The following TLE4 variants were observed in gnomAD, a reference collection of about 807,000 sequenced individuals.
TLE4 encodes the protein transducin-like enhancer protein 4.
In TLE4, 8 loss-of-function variants were observed where a neutral mutation model predicts 92.8. That is an observed-to-expected ratio of 0.09 (90% CI 0.05 to 0.16). The LOEUF (loss-of-function observed/expected upper bound fraction) is 0.16. Among genes scored for constraint, TLE4 ranks in the 10% least tolerant of loss-of-function variants. TLE4 has a pLI of 1.00. For synonymous variants in TLE4, 371 were observed against 374.1 expected (o/e 0.99, Z 0.10); for missense variants, 675 against 997.6 (o/e 0.68, Z 4.36).
chr9:79,715,919 C>T (rs916855512), intron 14 of TLE4, among the ~76,000 whole-genome samples: 1 of 152,200 alleles, frequency 6.6e-6, no homozygotes, highest in Admixed American at 6.5e-5. Flanking sequence ...ACTGTGGCTC[C>T]AGTCAGCCAG....
chr9:79,696,795 C>G (rs1347119906), intron 8 of TLE4, among the ~76,000 whole-genome samples: 1 of 152,214 alleles, frequency 6.6e-6, no homozygotes, highest in African/African-American at 2.4e-5. Context: ...TACCCTACTT[C>G]AGCTTTGTCA....
At chr9:79,587,806 A>C (rs562497415) in intron 4 of TLE4, among the ~76,000 whole-genome samples, 1 of 152,332 alleles carries the variant, frequency 6.6e-6, no homozygotes, top group South Asian at 2.1e-4. Flanking sequence ...TTTCATATGT[A>C]TATCTTGGGC....
rs1474043266 is a variant in TLE4, at chr9:79,720,072, C to T, written c.1617C>T (p.Cys539=). The T allele has an allele frequency of 1.2e-6, 2 of 1,613,284 alleles. No individual in the cohort carries two copies. Among genetic ancestry groups the T allele is most frequent in the African/African-American group, 2.7e-5 (2 of 74,908 alleles). Reference sequence around the variant, plus strand: ...ACAGGGATAACTACATCCGTTCCTGCAGATTGCTCCCTGATGGTCGCACCC... The same window carrying T: ...ACAGGGATAACTACATCCGTTCCTGTAGATTGCTCCCTGATGGTCGCACCC... The part of the protein sequence containing the change: ...CLNRDNYIRS[C]RLLPDGRTLI... Residue 539 remains cysteine (C), a synonymous_variant, in exon 16 of 20, where the codon TGC becomes TGT. Coordinates refer to ENST00000376552, the MANE Select transcript of TLE4 (RefSeq NM_007005.6).
At chr9:79,690,377 A>C (rs987334756) in intron 8 of TLE4, among the ~76,000 whole-genome samples, 1 of 152,170 alleles carries the variant, frequency 6.6e-6, no homozygotes, top group African/African-American at 2.4e-5. Flanking sequence ...ATATGGCTTA[A>C]CCTTTATCTA....
chr9:79,699,336 A>G (rs954025910), intron 8 of TLE4, among the ~76,000 whole-genome samples: 1 of 152,164 alleles, frequency 6.6e-6, no homozygotes, highest in Non-Finnish European at 1.5e-5. Context: ...CCATCACCAA[A>G]AACAAACTCA....
At chr9:79,685,149 CAA>C (rs2065573523) in intron 8 of TLE4, among the ~76,000 whole-genome samples, 1 of 152,248 alleles carries the variant, frequency 6.6e-6, no homozygotes, top group African/African-American at 2.4e-5. Flanking sequence ...TGAAATAACA[CAA>C]AGAGTATTGT....
intron 8 of TLE4, among the ~76,000 whole-genome samples, chr9:79,700,822 C>T (rs1473543333): frequency 6.6e-6 from 1 of 152,038 alleles, no homozygotes; most frequent in African/African-American, 2.4e-5. Flanking sequence ...ACTCTCCAAT[C>T]ATAACAGATT....
intron 6 of TLE4, among the ~76,000 whole-genome samples, chr9:79,651,495 G>A (rs1193626384): frequency 6.6e-6 from 1 of 152,104 alleles, no homozygotes; most frequent in African/African-American, 2.4e-5. Context: ...TCTTGTCAGC[G>A]CAGTTACTGG....
At chr9:79,654,143 TA>T in intron 8 of TLE4, 68 bp downstream of exon 8, 1 of 1,463,074 alleles carries the variant, frequency 6.8e-7, no homozygotes, top group Non-Finnish European at 9.6e-7. Context: ...ATGAATCTAG[TA>T]AAGAATTCTT....
intron 10 of TLE4, 143 bp downstream of exon 10, chr9:79,706,085 C>A (rs1349250232): frequency 1.2e-6 from 1 of 820,430 alleles, no homozygotes; most frequent in Non-Finnish European, 2.1e-6. Context: ...TGTTCTCTTG[C>A]CCTGGCTAGA....
intron 6 of TLE4, among the ~76,000 whole-genome samples, chr9:79,647,986 T>G (rs1430138474): frequency 6.6e-6 from 1 of 150,718 alleles, no homozygotes; most frequent in African/African-American, 2.4e-5. Context: ...ACTCTGTGGG[T>G]GTGTGTTGAT....
chr9:79,651,031 A>ATC (rs10580766), intron 6 of TLE4, among the ~76,000 whole-genome samples: 15,881 of 138,550 alleles, frequency 0.11, 1,088 homozygotes, highest in African/African-American at 0.17. Context: ...GGAATGATCG[A>ATC]TCTCTCTCTC....
At chr9:79,639,123 C>T (rs1278435287) in intron 6 of TLE4, among the ~76,000 whole-genome samples, 2 of 152,078 alleles carry the variant, frequency 1.3e-5, no homozygotes, top group African/African-American at 2.4e-5. Context: ...ATGTGTGGAG[C>T]TGTGGCAGCC....
chr9:79,721,610 G>T, intron 16 of TLE4, 131 bp from the exon 17 acceptor site: 1 of 1,372,262 alleles, frequency 7.3e-7, no homozygotes, highest in Non-Finnish European at 9.9e-7. Flanking sequence ...TGAATAATTA[G>T]AAACCATAAT....
intron 5 of TLE4, among the ~76,000 whole-genome samples, chr9:79,618,834 T>C (rs960405528): frequency 5.3e-5 from 8 of 152,132 alleles, no homozygotes; most frequent in African/African-American, 1.9e-4. Flanking sequence ...AAAATATTGG[T>C]TTAACAAATG....
intron 1 of TLE4, chr9:79,573,461 G>T (rs558093827): frequency 7.4e-6 from 8 of 1,076,690 alleles, no homozygotes; most frequent in African/African-American, 1.6e-5. Context: ...GGGGTCCGGG[G>T]CGCGGGGGCC....
Position 79,708,461 on chromosome 9 carries a change from G to T in TLE4, c.1070-132G>T, listed in dbSNP as rs1484238245. On this transcript the variant is annotated intron_variant, in intron 12 of 19. Transcript: ENST00000376552. ...CAAAGTGAATGAGTGAATTCTGAAG[G>T]CTTGAATGACTTTTGAGAATATTAA... 4.4e-6 allele frequency: 5 copies of T among 1,124,566 alleles called. No homozygotes were observed. The Admixed American group carries it at 7.3e-5, about 16-fold the overall frequency. 69.7% of individuals were successfully genotyped at this position (1,124,566 alleles called of 1,614,324 possible).
chr9:79,708,012 C>A, intron 11 of TLE4, 106 bp from the exon 12 acceptor site: 1 of 1,206,092 alleles, frequency 8.3e-7, no homozygotes, highest in African/African-American at 1.5e-5. Flanking sequence ...GCTGAAGAAC[C>A]TCTTCCATTT....
At chr9:79,720,342 C>T (rs373606948) in intron 16 of TLE4, 49 bp downstream of exon 16, 2 of 1,562,190 alleles carry the variant, frequency 1.3e-6, no homozygotes, top group Non-Finnish European at 1.7e-6. Context: ...GCCGATTTTA[C>T]CATATTTTGC....
Sources: allele counts gnomAD v4.1 joint callset (sites outside exome capture counted in the v4.1 genomes callset), GRCh38; gene constraint gnomAD v4.1.1; transcripts MANE v1.5; gene names NCBI Gene and HGNC (gene_info 2026-07-23, HGNC 2026-07-21).